PARVB: variants seen among roughly 807,000 people sequenced by gnomAD.
The protein encoded by PARVB is beta-parvin.
Under a neutral mutation model 47.0 loss-of-function variants are expected in PARVB, and 46 were observed. That is an observed-to-expected ratio of 0.98 (90% CI 0.77 to 1.25). The LOEUF is 1.25. Among genes scored for constraint, PARVB ranks in the 50% most tolerant of loss-of-function variants. PARVB has a pLI of 0.00. For synonymous variants in PARVB, 196 were observed against 196.3 expected (o/e 1.00, Z 0.01); for missense variants, 473 against 471.6 (o/e 1.00, Z -0.03).
intron 1 of PARVB, among the ~76,000 whole-genome samples, chr22:44,047,455 G>A (rs1016417975): frequency 7.9e-5 from 12 of 152,266 alleles, no homozygotes; most frequent in African/African-American, 2.9e-4. Flanking sequence ...GAGGTCAGGA[G>A]TTGGAGGCCA....
At chr22:44,053,211 G>A (rs1222697043) in intron 1 of PARVB, among the ~76,000 whole-genome samples, 3 of 151,576 alleles carry the variant, frequency 2.0e-5, no homozygotes, top group African/African-American at 4.9e-5. Flanking sequence ...AGCCTCCCGA[G>A]TAGCTGGGAT....
chr22:44,093,900 C>G, intron 1 of PARVB, 28 bp from the exon 2 acceptor site: 1 of 1,532,880 alleles, frequency 6.5e-7, no homozygotes. Context: ...GTATACTAAC[C>G]TGGTTTTTCT....
chr22:44,057,553 ACT>A (rs2051338342), intron 1 of PARVB, among the ~76,000 whole-genome samples: 1 of 142,582 alleles, frequency 7.0e-6, no homozygotes, highest in Non-Finnish European at 1.5e-5. Flanking sequence ...GTTTATCCGC[ACT>A]CTGGGTGGAC....
At chr22:44,134,541 G>C (rs543790786) in intron 6 of PARVB, among the ~76,000 whole-genome samples, 1 of 152,346 alleles carries the variant, frequency 6.6e-6, no homozygotes, top group Admixed American at 6.5e-5. Flanking sequence ...GGTGCTTCCT[G>C]CCATAACGGG....
chr22:44,141,894 CT>C (rs1400140738), intron 8 of PARVB: 14 of 152,280 alleles, frequency 9.2e-5, no homozygotes, highest in African/African-American at 3.4e-4. Context: ...GAGAAACATC[CT>C]GTATATAGTT....
At chr22:44,082,255 G>A (rs1197136564) in intron 1 of PARVB, among the ~76,000 whole-genome samples, 1 of 152,112 alleles carries the variant, frequency 6.6e-6, no homozygotes, top group Non-Finnish European at 1.5e-5. Flanking sequence ...GCGGTGGTTC[G>A]TGCCTGTAAT....
At chr22:44,126,432 T>C (rs1535009) in intron 4 of PARVB, among the ~76,000 whole-genome samples, 35,707 of 152,172 alleles carry the variant, frequency 0.23, 4,509 homozygotes, top group East Asian at 0.42. Context: ...GGGTACCACT[T>C]GCTCTTGAGG....
intron 2 of PARVB, among the ~76,000 whole-genome samples, chr22:44,099,635 A>G (rs1013485323): frequency 9.2e-5 from 14 of 152,040 alleles, no homozygotes; most frequent in African/African-American, 3.4e-4. Flanking sequence ...TTTCCATTTC[A>G]TTATAACCAT....
intron 1 of PARVB, among the ~76,000 whole-genome samples, chr22:44,025,457 C>T (rs1331194885): frequency 6.6e-6 from 1 of 152,148 alleles, no homozygotes; most frequent in African/African-American, 2.4e-5. Context: ...TGTGTGCCCC[C>T]ATGCACCTGC....
intron 1 of PARVB, among the ~76,000 whole-genome samples, chr22:44,063,283 G>A (rs941514048): frequency 6.6e-6 from 1 of 151,358 alleles, no homozygotes; most frequent in Non-Finnish European, 1.5e-5. Flanking sequence ...CTGGAGTGCA[G>A]TGGTGTGATC....
At chr22:44,053,198 C>G (rs2051243646) in intron 1 of PARVB, among the ~76,000 whole-genome samples, 1 of 151,612 alleles carries the variant, frequency 6.6e-6, no homozygotes, top group South Asian at 2.1e-4. Flanking sequence ...ATTCCCCTTC[C>G]TCAGCCTCCC....
intron 2 of PARVB, among the ~76,000 whole-genome samples, chr22:44,098,489 G>A (rs758123387): frequency 6.6e-6 from 1 of 152,170 alleles, no homozygotes; most frequent in Non-Finnish European, 1.5e-5. Flanking sequence ...AAGGCTTCAA[G>A]GAGTGAGGGA....
At chr22:44,056,275 A>G (rs1354504535) in intron 1 of PARVB, among the ~76,000 whole-genome samples, 1 of 151,964 alleles carries the variant, frequency 6.6e-6, no homozygotes, top group Non-Finnish European at 1.5e-5. Flanking sequence ...TCCCTTTGTC[A>G]CCTGGGAGGG....
chr22:44,122,615 C>A (rs1387935170), intron 4 of PARVB, among the ~76,000 whole-genome samples: 2 of 135,796 alleles, frequency 1.5e-5, no homozygotes, highest in African/African-American at 5.4e-5. Context: ...AGAGAGGTCT[C>A]ACTGCTTTCT....
At chr22:44,097,863 C>T (rs1366956651) in intron 2 of PARVB, among the ~76,000 whole-genome samples, 1 of 152,184 alleles carries the variant, frequency 6.6e-6, no homozygotes, top group East Asian at 1.9e-4. Flanking sequence ...CTCTGTCCTC[C>T]ACCTTTCACA....
chr22:44,147,467 G>T, intron 8 of PARVB: 1 of 360,530 alleles, frequency 2.8e-6, no homozygotes, highest in Non-Finnish European at 5.5e-6. Flanking sequence ...CGGGGGAAGT[G>T]GTTGGATTCA....
At chr22:44,006,862 T>G (rs1259906117) in intron 2 of PARVB, among the ~76,000 whole-genome samples, 1 of 152,168 alleles carries the variant, frequency 6.6e-6, no homozygotes, top group East Asian at 1.9e-4. Context: ...CAGCAAAGCT[T>G]TGTTACCTAA....
chr22:44,141,068 C>T (rs1180590047), intron 8 of PARVB: 1 of 157,204 alleles, frequency 6.4e-6, no homozygotes, highest in African/African-American at 2.4e-5. Flanking sequence ...CTCCCACCTG[C>T]CTCTCTAGCG....
At chr22:44,112,913 C>G (rs112753407) in intron 3 of PARVB, 1 of 90,288 alleles carries the variant, frequency 1.1e-5, no homozygotes, top group African/African-American at 5.9e-5. Flanking sequence ...AACACAGATA[C>G]ATTGTTACTA....
Sources: gnomAD v4.1 joint callset for allele counts (sites outside exome capture counted in the v4.1 genomes callset) on GRCh38, gnomAD v4.1.1 for gene constraint, MANE v1.5 for transcripts, NCBI Gene and HGNC (gene_info 2026-07-23, HGNC 2026-07-21) for gene names.